The following ADAMTSL3 variants were observed in gnomAD, a reference collection of about 807,000 sequenced individuals.
ADAMTSL3 encodes the protein ADAMTS-like protein 3.
ADAMTSL3 carries 128 observed loss-of-function variants against 201.7 expected under a neutral mutation model. The ratio of observed to expected loss-of-function variants is 0.63; its 90% confidence interval spans 0.55 to 0.73. ADAMTSL3 has a LOEUF of 0.73. Ranked by LOEUF, ADAMTSL3 falls within the 30% of genes least tolerant of loss-of-function variation. ADAMTSL3 has a pLI of 0.00. For synonymous variants in ADAMTSL3, 738 were observed against 748.4 expected (o/e 0.99, Z 0.23); for missense variants, 1,990 against 2,119.6 (o/e 0.94, Z 1.20).
At chr15:83,846,571 C>T (rs533643192) in intron 7 of ADAMTSL3, among the ~76,000 whole-genome samples, 37 of 152,346 alleles carry the variant, frequency 2.4e-4, no homozygotes, top group African/African-American at 8.9e-4. Context: ...CTTGGCAGAG[C>T]CCAGCCAGCT....
intron 3 of ADAMTSL3, among the ~76,000 whole-genome samples, chr15:83,757,475 G>A (rs56230235): frequency 0.19 from 28,619 of 152,128 alleles, 2,935 homozygotes; most frequent in East Asian, 0.44. Context: ...AAGTCCCTAG[G>A]CTGCACACAG....
chr15:83,848,668 T>G lies in ADAMTSL3; in HGVS notation c.728-10098T>G, dbSNP rs1253434583. Among the ~76,000 whole-genome samples, 4 of 152,370 alleles carry G rather than the reference T, an allele frequency of 2.6e-5. No individual in the cohort carries two copies. In the East Asian group the frequency reaches 7.7e-4, roughly 29 times the overall value. On this transcript the variant is annotated intron_variant, in intron 7 of 29. Coordinates refer to ENST00000286744, the MANE Select transcript of ADAMTSL3 (RefSeq NM_207517.3). ...TGTAGTTTTGGGTCCTTACCCTGGT[T>G]CTAATGCTTAGGAGCACCGTGATCT... is the stretch of plus-strand genomic sequence containing the variant.
At chr15:83,927,889 ACT>A (rs2066278816) in intron 17 of ADAMTSL3, among the ~76,000 whole-genome samples, 1 of 151,674 alleles carries the variant, frequency 6.6e-6, no homozygotes, top group Admixed American at 6.6e-5. Context: ...TCTAGCCAGT[ACT>A]CTCTTTCTAG....
In ADAMTSL3 at chr15:83,897,875, C is replaced by T. The variant is rs1475342654; in HGVS notation, c.1485C>T (p.Gly495=). The stretch of plus-strand genomic sequence containing the variant: ...CTTTGAAGTGCACAGTGACTTGTGG[C>T]CGAGGGTTACGGTACCGGGTTGTTC... ...MEWSQCTVTC[G]RGLRYRVVLC... is the part of the protein sequence containing the mutation. Residue 495 remains glycine, a synonymous_variant, in exon 14 of 30, where the codon GGC becomes GGT. Coordinates refer to ENST00000286744, the MANE Select transcript of ADAMTSL3 (RefSeq NM_207517.3). The T allele has an allele frequency of 1.7e-5, 27 of 1,604,962 alleles. No homozygotes were observed. Among genetic ancestry groups the T allele is most frequent in the Non-Finnish European group, 2.3e-5 (27 of 1,174,518 alleles).
At chr15:83,760,386 A>C (rs2062788750) in intron 3 of ADAMTSL3, among the ~76,000 whole-genome samples, 1 of 152,044 alleles carries the variant, frequency 6.6e-6, no homozygotes, top group Admixed American at 6.6e-5. Flanking sequence ...CAATCTTTGA[A>C]TTTTTGAGAC....
chr15:83,748,152 T>G (rs1298970722), intron 3 of ADAMTSL3, among the ~76,000 whole-genome samples: 1 of 152,170 alleles, frequency 6.6e-6, no homozygotes, highest in African/African-American at 2.4e-5. Context: ...CACTGCTCCT[T>G]TCTTCAGTGC....
chr15:83,856,382 G>A (rs2141764634), intron 7 of ADAMTSL3, among the ~76,000 whole-genome samples: 1 of 151,918 alleles, frequency 6.6e-6, no homozygotes, highest in East Asian at 1.9e-4. Context: ...TCCCTATGTT[G>A]CCCCGACTGG....
chr15:83,838,097 C>A lies in ADAMTSL3; in HGVS notation c.609C>A (p.Gly203=), dbSNP rs2064309733. 1.2e-6 allele frequency: 2 copies of A among 1,609,090 alleles called. No homozygotes were observed. The highest frequency in any genetic ancestry group is 1.7e-6 in the Non-Finnish European group (2 of 1,178,140). Residue 203 remains glycine (G), a synonymous_variant, in exon 7 of 30, where the codon GGC becomes GGA. Transcript: ENST00000286744. ...CATGCTTCTGTTGGCAGGCAGTGGG[C>A]TGCGATCGGCAACTGGGAAGCAATG... is the stretch of plus-strand genomic sequence containing the variant. The part of the protein sequence containing the change: ...MCISGICQAV[G]CDRQLGSNAK...
intron 7 of ADAMTSL3, among the ~76,000 whole-genome samples, chr15:83,852,605 T>C (rs1457238342): frequency 2.0e-5 from 3 of 152,198 alleles, no homozygotes; most frequent in Non-Finnish European, 4.4e-5. Flanking sequence ...CTTGACATTT[T>C]GATTTTTCTG....
intron 6 of ADAMTSL3, among the ~76,000 whole-genome samples, chr15:83,825,905 G>C (rs1442356006): frequency 1.3e-5 from 2 of 152,136 alleles, no homozygotes; most frequent in Non-Finnish European, 2.9e-5. Flanking sequence ...AACTTATTCT[G>C]AAAGTAGAGA....
rs1227124433 is a variant in ADAMTSL3, at chr15:84,039,786, A to T, written c.*1980A>T. ...TGAGAGTTAATGTTTCTGTTTCATG[A>T]TCCTTATGTAATTCAGAAATAAATT... On this transcript the variant is annotated 3_prime_UTR_variant, in exon 30 of 30. Transcript: ENST00000286744. The T allele has an allele frequency of 6.6e-6, 1 of 152,556 alleles. No individual in the cohort carries two copies. Among genetic ancestry groups the T allele is most frequent in the Non-Finnish European group, 1.5e-5 (1 of 68,020 alleles). 9.5% of individuals were successfully genotyped at this position (152,556 alleles called of 1,614,324 possible). A position where few individuals can be genotyped will look rare whatever the true frequency, so the allele number is the denominator to read the frequency against.
At chr15:83,962,119 A>G (rs184541998) in intron 19 of ADAMTSL3, 101 of 152,228 alleles carry the variant, frequency 6.6e-4, no homozygotes, top group African/African-American at 1.9e-3. Context: ...ATGGTTTTAT[A>G]AGGGGTTTCC....
At chr15:83,722,205 A>G (rs546604438) in intron 3 of ADAMTSL3, among the ~76,000 whole-genome samples, 2 of 152,324 alleles carry the variant, frequency 1.3e-5, no homozygotes, top group Admixed American at 1.3e-4. Context: ...AAACAAATTC[A>G]GAAAAGTTCA....
chr15:83,783,142 AAG>A (rs2063203872), intron 4 of ADAMTSL3, among the ~76,000 whole-genome samples: 1 of 149,766 alleles, frequency 6.7e-6, no homozygotes, highest in Admixed American at 6.8e-5. Flanking sequence ...AATTAATTTA[AAG>A]TGTTCAAATG....
At chr15:83,891,021 T>C in intron 11 of ADAMTSL3, 2 of 236,746 alleles carry the variant, frequency 8.4e-6, no homozygotes, top group Non-Finnish European at 1.7e-5. Context: ...ACTAATATAT[T>C]AAGAGAGTAA....
chr15:83,802,298 TG>T (rs2063536695), intron 4 of ADAMTSL3, among the ~76,000 whole-genome samples: 1 of 152,132 alleles, frequency 6.6e-6, no homozygotes, highest in South Asian at 2.1e-4. Context: ...AACCTAAAGA[TG>T]TTTACCGAAT....
chr15:83,804,006 G>A (rs567813738), intron 4 of ADAMTSL3, among the ~76,000 whole-genome samples: 6 of 152,068 alleles, frequency 3.9e-5, no homozygotes, highest in South Asian at 2.1e-4. Flanking sequence ...AGCCAGGCAC[G>A]GGGGTGTGCG....
chr15:83,747,296 G>A (rs2062561987), intron 3 of ADAMTSL3, among the ~76,000 whole-genome samples: 2 of 152,180 alleles, frequency 1.3e-5, no homozygotes, highest in Admixed American at 1.3e-4. Flanking sequence ...TTCCTCTGCT[G>A]CTCGTCTTTC....
chr15:83,925,235 T>C (rs1166489606), intron 17 of ADAMTSL3, among the ~76,000 whole-genome samples: 2 of 152,122 alleles, frequency 1.3e-5, no homozygotes, highest in Non-Finnish European at 2.9e-5. Flanking sequence ...CCGCACAGTC[T>C]CAGGAGGAGG....
Sources: gnomAD v4.1 joint callset for allele counts (sites outside exome capture counted in the v4.1 genomes callset) on GRCh38, gnomAD v4.1.1 for gene constraint, MANE v1.5 for transcripts, NCBI Gene and HGNC (gene_info 2026-07-23, HGNC 2026-07-21) for gene names.